FSTL5: variants seen among roughly 807,000 people sequenced by gnomAD.
FSTL5 encodes follistatin like 5.
FSTL5 carries 62 observed loss-of-function variants against 89.1 expected under a neutral mutation model. The ratio of observed to expected loss-of-function variants is 0.70; its 90% CI spans 0.57 to 0.86. The LOEUF (loss-of-function observed/expected upper bound fraction) is 0.86. FSTL5 is among the 40% of genes least tolerant of loss of function. The pLI, the probability that FSTL5 is intolerant of heterozygous loss-of-function variation, is 0.00. For missense variants in FSTL5, 1,057 were observed against 1,001.6 expected, an observed-to-expected ratio of 1.06 and a Z score of -0.75; for synonymous variants, 383 against 346.2, an observed-to-expected ratio of 1.11 and a Z score of -1.18.
intron 6 of FSTL5, among the ~76,000 whole-genome samples, chr4:161,714,285 A>AAAT (rs1366929336): frequency 6.6e-6 from 1 of 152,016 alleles, no homozygotes; most frequent in Non-Finnish European, 1.5e-5. Context: ...TCAAAACCTG[A>AAAT]AATTCATATT....
In FSTL5 at chr4:161,561,317, T is replaced by C. The variant is rs188783346; in HGVS notation, c.1016-18624A>G. Among the ~76,000 whole-genome samples, 629 of 152,148 alleles carry C rather than the reference T, an allele frequency of 4.1e-3. 1 individual carries two copies. The highest frequency in any genetic ancestry group is 7.0e-3 in the Non-Finnish European group (473 of 67,950). On this transcript the variant is annotated intron_variant, in intron 8 of 15. Coordinates refer to ENST00000306100, the MANE Select transcript of FSTL5 (RefSeq NM_020116.5). Reference sequence around the variant, plus strand: ...TGGAAAAAGTATCTCTGTAAGACTCTTATCTTCCTGTCTGATTTTGGAGCT... The same window carrying C: ...TGGAAAAAGTATCTCTGTAAGACTCCTATCTTCCTGTCTGATTTTGGAGCT...
chr4:161,721,308 A>AAT (rs869094228), intron 6 of FSTL5, among the ~76,000 whole-genome samples: 57 of 137,884 alleles, frequency 4.1e-4, no homozygotes, highest in African/African-American at 1.5e-3. Flanking sequence ...AAAAAAAAAA[A>AAT]TTTTTCTAAG....
chr4:161,680,036 T>A (rs1379587304), intron 6 of FSTL5, among the ~76,000 whole-genome samples: 1 of 151,902 alleles, frequency 6.6e-6, no homozygotes, highest in African/African-American at 2.4e-5. Context: ...CAGTTATTTT[T>A]AAATCAAAAC....
chr4:161,736,299 A>G (rs1482148072), intron 6 of FSTL5, among the ~76,000 whole-genome samples: 1 of 122,846 alleles, frequency 8.1e-6, no homozygotes, highest in Non-Finnish European at 2.0e-5. Flanking sequence ...TAATAAAAAC[A>G]CACATTATTA....
intron 4 of FSTL5, among the ~76,000 whole-genome samples, chr4:161,807,232 T>G (rs1262099830): frequency 8.1e-6 from 1 of 124,052 alleles, no homozygotes; most frequent in Non-Finnish European, 1.6e-5. Context: ...CACACACATA[T>G]ATATTTGTAG....
intron 15 of FSTL5, among the ~76,000 whole-genome samples, chr4:161,433,368 TA>T (rs998948442): frequency 1.3e-4 from 19 of 151,902 alleles, no homozygotes; most frequent in African/African-American, 4.6e-4. Flanking sequence ...CCTTTATGAT[TA>T]AAAAAACCCT....
chr4:161,779,791 A>ATATATG (rs1560840904), intron 4 of FSTL5, among the ~76,000 whole-genome samples: 2 of 51,560 alleles, frequency 3.9e-5, no homozygotes, highest in South Asian at 6.9e-4. Flanking sequence ...ATATATATAT[A>ATATATG]TATATATATA....
rs201911039 is a variant in FSTL5 at position 161,740,473 on chromosome 4, GA to G, written c.727+18937del. 5.2e-3 allele frequency among the ~76,000 whole-genome samples: 748 copies of G among 143,608 alleles called. 3 individuals carry two copies. Among genetic ancestry groups the G allele is most frequent in the African/African-American group, 0.018 (709 of 39,118 alleles). 94.2% of individuals were successfully genotyped at this position (143,608 alleles called of 152,430 possible). ...CCATTTCAACCCCCATATTATAAAAGAAAAAAAAAAGCAAGTCCAAACAAAA... is the reference window on the plus strand; with the variant it reads ...CCATTTCAACCCCCATATTATAAAAGAAAAAAAAAGCAAGTCCAAACAAAA... On this transcript the variant is annotated intron_variant, in intron 6 of 15. Transcript: ENST00000306100.
At chr4:161,803,176 T>C (rs1729851433) in intron 4 of FSTL5, among the ~76,000 whole-genome samples, 1 of 151,964 alleles carries the variant, frequency 6.6e-6, no homozygotes, top group Non-Finnish European at 1.5e-5. Context: ...ACTGGCTTTG[T>C]GATTTATCAG....
At chr4:162,124,978 C>T (rs916630726) in intron 1 of FSTL5, among the ~76,000 whole-genome samples, 1 of 152,224 alleles carries the variant, frequency 6.6e-6, no homozygotes, top group Non-Finnish European at 1.5e-5. Flanking sequence ...GCTGGGATTA[C>T]AGGCATGAGC....
At chr4:161,662,162 G>A (rs935715745) in intron 6 of FSTL5, among the ~76,000 whole-genome samples, 25 of 152,200 alleles carry the variant, frequency 1.6e-4, no homozygotes, top group Middle Eastern at 3.4e-3. Context: ...TGAATATATG[G>A]ACTGCAGCAC....
At chr4:161,888,100 A>C (rs1452943445) in intron 4 of FSTL5, among the ~76,000 whole-genome samples, 4 of 152,150 alleles carry the variant, frequency 2.6e-5, no homozygotes, top group Non-Finnish European at 5.9e-5. Context: ...TTTTTATAGC[A>C]GTGTGAAAAG....
At chr4:161,552,199 C>T (rs1281911248) in intron 8 of FSTL5, among the ~76,000 whole-genome samples, 1 of 151,842 alleles carries the variant, frequency 6.6e-6, no homozygotes, top group Non-Finnish European at 1.5e-5. Context: ...TCTGACTAAT[C>T]TCTAATCTCT....
chr4:161,688,232 G>A (rs925083387), intron 6 of FSTL5, among the ~76,000 whole-genome samples: 1 of 152,016 alleles, frequency 6.6e-6, no homozygotes, highest in Non-Finnish European at 1.5e-5. Context: ...ACAGGTGAGC[G>A]CCTCCACACC....
intron 1 of FSTL5, among the ~76,000 whole-genome samples, chr4:162,118,419 C>T (rs904428117): frequency 1.3e-5 from 2 of 152,166 alleles, no homozygotes; most frequent in African/African-American, 4.8e-5. Flanking sequence ...CGCCACCACG[C>T]CTGGCTAATT....
At chr4:161,675,038 A>T (rs1737254976) in intron 6 of FSTL5, among the ~76,000 whole-genome samples, 1 of 152,162 alleles carries the variant, frequency 6.6e-6, no homozygotes, top group Admixed American at 6.6e-5. Flanking sequence ...ACCAATAGAC[A>T]TAAAGGCAAA....
chr4:161,454,880 C>T (rs1364218597), intron 15 of FSTL5, 124 bp downstream of exon 15: 1 of 843,496 alleles, frequency 1.2e-6, no homozygotes, highest in East Asian at 2.8e-5. Context: ...TATGACAAAG[C>T]TAAAGCAAGT....
At chr4:161,589,943 C>G (rs1204607131) in intron 7 of FSTL5, among the ~76,000 whole-genome samples, 1 of 151,756 alleles carries the variant, frequency 6.6e-6, no homozygotes, top group Non-Finnish European at 1.5e-5. Context: ...ACACTCATAC[C>G]GTAACACAAA....
rs188545682 is a variant in FSTL5, at chr4:161,909,482, C to G, written c.409+10922G>C. On this transcript the variant is annotated intron_variant, in intron 4 of 15. Coordinates refer to ENST00000306100, the MANE Select transcript of FSTL5 (RefSeq NM_020116.5). The stretch of plus-strand genomic sequence containing the variant: ...AATTTGTGAACAGCAGTATCATACT[C>G]CCTCAGCACTGCTAGAATTCCTACA... Among the ~76,000 whole-genome samples the G allele has an allele frequency of 1.7e-3, 260 of 152,214 alleles. 1 individual carries two copies. Among genetic ancestry groups the G allele is most frequent in the African/African-American group, 5.8e-3 (243 of 41,552 alleles).
Sources: gnomAD v4.1 joint callset for allele counts (sites outside exome capture counted in the v4.1 genomes callset) on GRCh38, gnomAD v4.1.1 for gene constraint, MANE v1.5 for transcripts, NCBI Gene and HGNC (gene_info 2026-07-23, HGNC 2026-07-21) for gene names.